Variants in LACTBL1 observed in about 807,000 individuals in gnomAD.
LACTBL1 encodes lactamase beta like 1, also known as beta-lactamase-like protein 1.
A neutral mutation model predicts 39.6 loss-of-function variants in LACTBL1; 29 were observed. The ratio of observed to expected loss-of-function variants is 0.73; its 90% confidence interval spans 0.55 to 1.00. The LOEUF (loss-of-function observed/expected upper bound fraction) is 1.00. LACTBL1 is among the 50% of genes least tolerant of loss of function. The pLI is 0.00. For synonymous variants in LACTBL1, 361 were observed against 360.7 expected (o/e 1.00, Z -0.01); for missense variants, 711 against 748.5 (o/e 0.95, Z 0.59).
At chr1:22,955,217 G>T in intron 5 of LACTBL1, 104 bp downstream of exon 7, 1 of 890,740 alleles carries the variant, frequency 1.1e-6, no homozygotes. Context: ...GGTCTCTCCC[G>T]GCTCTGCCAA....
rs773964172 is a variant in LACTBL1, at chr1:22,958,775, G to C, written c.463C>G (p.Gln155Glu). ...TCCAGCCCGTCCATCAGGCCCTGCT[G>C]TTCGGCTGATGCCAGGCCCAGCGGG... The change falls in exon 4 of 6, where the codon CAG (glutamine) becomes GAG (glutamate). Residue 155 changes from glutamine (Q) to glutamate (E), a missense_variant. Coordinates refer to ENST00000426928, the Ensembl canonical transcript of LACTBL1. The C allele has an allele frequency of 9.7e-6, 15 of 1,550,676 alleles. No individual in the cohort carries two copies. The South Asian group carries it at 1.7e-4, about 17-fold the overall frequency.
chr1:22,970,528 A>G, the LACTBL1 span, among the ~76,000 whole-genome samples: 1 of 152,144 alleles, frequency 6.6e-6, no homozygotes, highest in East Asian at 1.9e-4. Flanking sequence ...GGTGGTGGTT[A>G]TGGGATTTTA....
intron 4 of LACTBL1, among the ~76,000 whole-genome samples, chr1:22,957,640 C>CT (rs34603019): frequency 0.031 from 1,773 of 56,700 alleles, 408 homozygotes; most frequent in South Asian, 0.1. Context: ...TCTTAATATT[C>CT]TTTTTTTTTT....
intron 4 of LACTBL1, among the ~76,000 whole-genome samples, chr1:22,957,238 A>G (rs1263327263): frequency 6.6e-6 from 1 of 152,106 alleles, no homozygotes; most frequent in Non-Finnish European, 1.5e-5. Context: ...CAGCTGTGTC[A>G]TAGTTCATTT....
chr1:22,962,038 G>A (rs1006890557), intron 2 of LACTBL1, among the ~76,000 whole-genome samples: 9 of 151,958 alleles, frequency 5.9e-5, no homozygotes, highest in Admixed American at 2.0e-4. Context: ...GAGCCACCGC[G>A]CCTGGCTCTA....
upstream of LACTBL1, among the ~76,000 whole-genome samples, chr1:22,967,663 A>C (rs1382898008): frequency 6.6e-6 from 1 of 152,124 alleles, no homozygotes; most frequent in Non-Finnish European, 1.5e-5. Context: ...AGAGAGAGAG[A>C]CAGACAGACA....
At chr1:22,963,374 AG>A (rs1640846259) in intron 1 of LACTBL1, among the ~76,000 whole-genome samples, 158 bp from the exon 4 acceptor site, 2 of 152,188 alleles carry the variant, frequency 1.3e-5, no homozygotes, top group Non-Finnish European at 2.9e-5. Context: ...CTAGCCCCTG[AG>A]GGGCCTAGGG....
chr1:22,959,869 C>T, intron 3 of LACTBL1, 73 bp downstream of exon 5: 1 of 1,504,526 alleles, frequency 6.6e-7, no homozygotes, highest in South Asian at 1.2e-5. Flanking sequence ...TCTTCAGTAT[C>T]CTTACCTCCT....
exon 6 of LACTBL1, chr1:22,953,720 G>T (rs1388807819): frequency 2.2e-6 from 3 of 1,333,592 alleles, no homozygotes; most frequent in African/African-American, 1.5e-5. Context: ...GCGTCGGGCC[G>T]CAGGAGCCGC....
intron 4 of LACTBL1, among the ~76,000 whole-genome samples, chr1:22,955,774 A>G (rs1553181195): frequency 6.6e-6 from 1 of 152,158 alleles, no homozygotes; most frequent in Non-Finnish European, 1.5e-5. Flanking sequence ...AACTATAGAA[A>G]GTTTGGGGCC....
upstream of LACTBL1, among the ~76,000 whole-genome samples, chr1:22,967,636 T>C (rs309516): frequency 0.022 from 3,395 of 151,654 alleles, 158 homozygotes; most frequent in African/African-American, 0.078. Context: ...GTTCCATACA[T>C]ATATATATAG....
intron 4 of LACTBL1, among the ~76,000 whole-genome samples, chr1:22,955,682 G>A (rs1640754676): frequency 1.3e-5 from 2 of 152,266 alleles, no homozygotes; most frequent in East Asian, 1.9e-4. Context: ...TTGTACCCAA[G>A]GGCTGATTAG....
intron 4 of LACTBL1, among the ~76,000 whole-genome samples, chr1:22,957,148 T>C (rs979621937): frequency 2.6e-5 from 4 of 152,198 alleles, no homozygotes; most frequent in Non-Finnish European, 5.9e-5. Context: ...TTTTTCCTAC[T>C]TAGTATTCTA....
intron 3 of LACTBL1, among the ~76,000 whole-genome samples, chr1:22,959,671 C>T (rs1372875411): frequency 6.6e-6 from 1 of 152,202 alleles, no homozygotes; most frequent in Non-Finnish European, 1.5e-5. Flanking sequence ...ACAAGGTAGC[C>T]TTTTCTAGTT....
chr1:22,968,989 G>A (rs1163284215), upstream of LACTBL1, among the ~76,000 whole-genome samples: 1 of 152,070 alleles, frequency 6.6e-6, no homozygotes, highest in African/African-American at 2.4e-5. Context: ...TGTTGCTCAG[G>A]CTGGTCTCAA....
chr1:22,966,093 T>A (rs1481818337), upstream of LACTBL1, among the ~76,000 whole-genome samples: 1 of 152,250 alleles, frequency 6.6e-6, no homozygotes, highest in Non-Finnish European at 1.5e-5. Flanking sequence ...TTTTATGTCA[T>A]ATGAATTATA....
upstream of LACTBL1, among the ~76,000 whole-genome samples, chr1:22,965,881 A>C (rs1640871611): frequency 6.6e-6 from 1 of 152,204 alleles, no homozygotes; most frequent in Non-Finnish European, 1.5e-5. Flanking sequence ...CTTATATAAA[A>C]TGTCTAGATA....
intron 2 of LACTBL1, among the ~76,000 whole-genome samples, chr1:22,962,760 C>T (rs1640838198): frequency 6.6e-6 from 1 of 152,172 alleles, no homozygotes; most frequent in African/African-American, 2.4e-5. Flanking sequence ...TACTTATTCA[C>T]ATCTCAGCCT....
rs10582369 is a variant in LACTBL1 at position 22,956,063 on chromosome 1, C to CAA, written c.554-639_554-638dup. On this transcript the variant is annotated intron_variant, in intron 4 of 5. Transcript: ENST00000426928. ...TGGGTGACAGAGTGAAACTCCATCT[C>CAA]AAAAAAAAAAAAAAAAAAAAGAGTT... 5.2e-5 allele frequency among the ~76,000 whole-genome samples: 4 copies of CAA among 76,596 alleles called. No homozygotes were observed. In the South Asian group the frequency reaches 1.4e-3, roughly 27 times the overall value. 50.2% of individuals were successfully genotyped at this position (76,596 alleles called of 152,430 possible).
Sources: gnomAD v4.1 joint callset for allele counts (sites outside exome capture counted in the v4.1 genomes callset) on GRCh38, gnomAD v4.1.1 for gene constraint, MANE v1.5 for transcripts, NCBI Gene and HGNC (gene_info 2026-07-23, HGNC 2026-07-21) for gene names.